Variants in COMMD6 observed in about 807,000 individuals in gnomAD.
COMMD6 encodes the protein COMM domain-containing protein 6.
COMMD6 carries 11 observed loss-of-function variants against 13.4 expected under a neutral mutation model. That is an observed-to-expected ratio of 0.82 (90% CI 0.52 to 1.36). The LOEUF (loss-of-function observed/expected upper bound fraction) is 1.36, where lower values mean the gene tolerates loss of function less well. COMMD6 is among the 40% of genes most tolerant of loss of function. COMMD6 has a pLI of 0.00. For synonymous variants in COMMD6, 43 were observed against 36.5 expected (o/e 1.18, Z -0.64); for missense variants, 124 against 102.4 (o/e 1.21, Z -0.91).
At chr13:75,537,450 C>G (rs773925945) in intron 2 of COMMD6, 2 of 1,551,466 alleles carry the variant, frequency 1.3e-6, no homozygotes, top group South Asian at 1.2e-5. Flanking sequence ...ATTCTTCGGG[C>G]TAGTGCAGGG....
intron 2 of COMMD6, among the ~76,000 whole-genome samples, chr13:75,532,236 AATTC>A (rs1316077285): frequency 6.6e-6 from 1 of 152,186 alleles, no homozygotes; most frequent in Non-Finnish European, 1.5e-5. Context: ...GCTTTTAGAT[AATTC>A]ATTAACTGTC....
intron 2 of COMMD6, among the ~76,000 whole-genome samples, chr13:75,532,901 T>C (rs771367373): frequency 1.3e-5 from 2 of 151,894 alleles, no homozygotes; most frequent in Non-Finnish European, 2.9e-5. Flanking sequence ...CTGTAGGCAT[T>C]GGGGACTCAA....
intron 2 of COMMD6, among the ~76,000 whole-genome samples, chr13:75,537,126 C>T (rs1025527673): frequency 6.6e-6 from 1 of 152,188 alleles, no homozygotes; most frequent in Non-Finnish European, 1.5e-5. Flanking sequence ...TTTAGTACTC[C>T]TATTCTGGGA....
chr13:75,534,352 C>T (rs751078800), intron 2 of COMMD6, among the ~76,000 whole-genome samples: 8 of 152,118 alleles, frequency 5.3e-5, no homozygotes, highest in Non-Finnish European at 8.8e-5. Flanking sequence ...CGGAGAGCTG[C>T]CATCAAGACA....
upstream of COMMD6, among the ~76,000 whole-genome samples, chr13:75,538,113 T>C (rs2030748268): frequency 6.6e-6 from 1 of 152,234 alleles, no homozygotes; most frequent in Non-Finnish European, 1.5e-5. Context: ...TCTTCCAGAC[T>C]GGAGCGGGGC....
chr13:75,532,514 G>A (rs886982676), intron 2 of COMMD6, among the ~76,000 whole-genome samples: 2 of 152,156 alleles, frequency 1.3e-5, no homozygotes, highest in Admixed American at 6.5e-5. Context: ...GAAAAGAGTC[G>A]AAATTTGGTT....
chr13:75,540,063 C>T (rs2030800089), upstream of COMMD6, among the ~76,000 whole-genome samples: 2 of 151,532 alleles, frequency 1.3e-5, no homozygotes, highest in African/African-American at 4.9e-5. Context: ...CTCCAACTCC[C>T]GGGTTCAAGC....
chr13:75,527,577 T>C (rs1566539293), intron 3 of COMMD6, among the ~76,000 whole-genome samples: 1 of 152,198 alleles, frequency 6.6e-6, no homozygotes, highest in Non-Finnish European at 1.5e-5. Flanking sequence ...AAAATGTTTT[T>C]GTGTATATTT....
At chr13:75,536,464 G>A (rs1331243044) in intron 2 of COMMD6, among the ~76,000 whole-genome samples, 2 of 152,208 alleles carry the variant, frequency 1.3e-5, no homozygotes, top group African/African-American at 4.8e-5. Context: ...ATTGGTAGAT[G>A]TGACAAAATT....
intron 2 of COMMD6, chr13:75,537,253 T>G (rs2030700376): frequency 1.4e-6 from 2 of 1,403,802 alleles, no homozygotes; most frequent in South Asian, 2.8e-5. Context: ...TTCCTAGCAT[T>G]ATAAATGCAT....
chr13:75,541,384 T>C (rs1172578653), upstream of COMMD6, among the ~76,000 whole-genome samples: 1 of 152,016 alleles, frequency 6.6e-6, no homozygotes, highest in African/African-American at 2.4e-5. Context: ...GCTTGACTGC[T>C]GGCTTCGGTC....
upstream of COMMD6, among the ~76,000 whole-genome samples, chr13:75,540,530 C>T (rs566121184): frequency 3.3e-5 from 5 of 152,264 alleles, no homozygotes; most frequent in East Asian, 1.9e-4. Context: ...AAAAACCTAT[C>T]GATCTGATTT....
chr13:75,537,619 G>A, intron 2 of COMMD6, 45 bp downstream of exon 2: 1 of 1,613,446 alleles, frequency 6.2e-7, no homozygotes, highest in South Asian at 1.1e-5. Flanking sequence ...CGCGGCCGTG[G>A]GAGGCAGGCT....
upstream of COMMD6, among the ~76,000 whole-genome samples, chr13:75,541,477 A>G (rs902994952): frequency 7.9e-5 from 12 of 151,986 alleles, no homozygotes; most frequent in Non-Finnish European, 1.8e-4. Context: ...TCACAGCCTT[A>G]TGACTCATGA....
At position 75,532,267 on chromosome 13, in the gene COMMD6, T is replaced by C. The variant is rs182539379; in HGVS notation, c.55-2001A>G. 7.3e-4 allele frequency among the ~76,000 whole-genome samples: 111 copies of C among 152,294 alleles called. 2 individuals are homozygous for C. Among genetic ancestry groups the C allele is most frequent in the Non-Finnish European group, 6.5e-4 (44 of 68,024 alleles). ...TTAACTGTCCATATTTTGTGCACTTTTTGCATATATAGTCCAGAGAGAGCA... is the reference window on the plus strand; with the variant it reads ...TTAACTGTCCATATTTTGTGCACTTCTTGCATATATAGTCCAGAGAGAGCA... On this transcript the variant is annotated intron_variant, in intron 2 of 3. Transcript: ENST00000682242.
intron 3 of COMMD6, chr13:75,529,698 T>C (rs2030402708): frequency 6.4e-6 from 1 of 155,254 alleles, no homozygotes; most frequent in African/African-American, 2.4e-5. Flanking sequence ...ACACTTGCTC[T>C]GACCTGTCTT....
At chr13:75,545,692 A>T (rs1399072945) in intron 1 of COMMD6, among the ~76,000 whole-genome samples, 1 of 149,554 alleles carries the variant, frequency 6.7e-6, no homozygotes, top group Non-Finnish European at 1.5e-5. Flanking sequence ...AGGATGGTCT[A>T]GATCTCCTGA....
intron 3 of COMMD6, among the ~76,000 whole-genome samples, chr13:75,527,246 C>T (rs143358142): frequency 5.2e-4 from 79 of 152,286 alleles, no homozygotes; most frequent in African/African-American, 1.8e-3. Context: ...AAATTTGAAA[C>T]TTAACCTTGG....
chr13:75,528,009 A>G (rs1193787427), intron 3 of COMMD6, among the ~76,000 whole-genome samples: 32 of 105,878 alleles, frequency 3.0e-4, no homozygotes, highest in African/African-American at 7.5e-4. Context: ...CAGCACACAC[A>G]CACACACACA....
Sources: gnomAD v4.1 joint callset for allele counts (sites outside exome capture counted in the v4.1 genomes callset) on GRCh38, gnomAD v4.1.1 for gene constraint, MANE v1.5 for transcripts, NCBI Gene and HGNC (gene_info 2026-07-23, HGNC 2026-07-21) for gene names.